RBFOX1: variants seen among roughly 807,000 people sequenced by gnomAD.
RBFOX1 encodes the protein RNA binding fox-1 homolog 1.
A neutral mutation model predicts 57.7 loss-of-function variants in RBFOX1; 8 were observed. The observed-to-expected ratio is 0.14, with a 90% CI of 0.08 to 0.25. RBFOX1 has a LOEUF of 0.25. Ranked by LOEUF, RBFOX1 falls within the 10% of genes least tolerant of loss-of-function variation. The probability of loss-of-function intolerance (pLI) is 1.00; values close to 1 mark genes in which losing one functional copy is unlikely to be tolerated. For missense variants in RBFOX1, 611 were observed against 548.5 expected, an observed-to-expected ratio of 1.11 and a Z score of -1.14; for synonymous variants, 326 against 222.4, an observed-to-expected ratio of 1.47 and a Z score of -4.15.
intron 3 of RBFOX1, among the ~76,000 whole-genome samples, chr16:6,775,065 C>T (rs1043740641): frequency 2.6e-5 from 4 of 151,738 alleles, no homozygotes; most frequent in Non-Finnish European, 5.9e-5. Flanking sequence ...GTGGCTCACG[C>T]CTGTAATCCC....
At chr16:7,375,253 A>T (rs1383402162) in intron 4 of RBFOX1, among the ~76,000 whole-genome samples, 1 of 152,212 alleles carries the variant, frequency 6.6e-6, no homozygotes, top group Non-Finnish European at 1.5e-5. Flanking sequence ...CACAGTCTGT[A>T]TTCAAAGACA....
At chr16:5,518,684 G>T (rs1567185039) in intron 2 of RBFOX1, among the ~76,000 whole-genome samples, 2 of 152,102 alleles carry the variant, frequency 1.3e-5, no homozygotes, top group South Asian at 4.2e-4. Flanking sequence ...CCTCTCCAGG[G>T]GTGCAACTCT....
chr16:7,178,251 C>T (rs138227892), intron 4 of RBFOX1, among the ~76,000 whole-genome samples: 45 of 152,354 alleles, frequency 3.0e-4, no homozygotes, highest in African/African-American at 9.9e-4. Flanking sequence ...GTCAGAGGCA[C>T]TATCAGCCTG....
At chr16:6,739,751 C>T (rs984583981) in intron 3 of RBFOX1, among the ~76,000 whole-genome samples, 4 of 152,014 alleles carry the variant, frequency 2.6e-5, no homozygotes, top group African/African-American at 9.7e-5. Context: ...GTGGCAGGTG[C>T]CTGTAGTCTC....
chr16:6,921,232 TA>T (rs1597276638), intron 3 of RBFOX1, among the ~76,000 whole-genome samples: 1 of 152,210 alleles, frequency 6.6e-6, no homozygotes, highest in East Asian at 1.9e-4. Context: ...TTTAGCAATT[TA>T]AAACAGCACA....
At chr16:7,202,999 G>A (rs1042414354) in intron 4 of RBFOX1, among the ~76,000 whole-genome samples, 1 of 152,106 alleles carries the variant, frequency 6.6e-6, no homozygotes, top group Non-Finnish European at 1.5e-5. Flanking sequence ...TGTGAGCCAG[G>A]ATGGTCTGGA....
At chr16:6,992,423 G>A (rs543412867) in intron 3 of RBFOX1, among the ~76,000 whole-genome samples, 17 of 152,056 alleles carry the variant, frequency 1.1e-4, no homozygotes, top group Admixed American at 5.2e-4. Context: ...TCACCATGTT[G>A]GCCAGGCTGG....
intron 10 of RBFOX1, among the ~76,000 whole-genome samples, chr16:7,623,291 T>C (rs1359811336): frequency 6.6e-6 from 1 of 152,214 alleles, no homozygotes; most frequent in Non-Finnish European, 1.5e-5. Flanking sequence ...TTCCAGTGCA[T>C]TTCTTGTGTA....
chr16:5,489,471 T>G (rs1219248610), intron 2 of RBFOX1, among the ~76,000 whole-genome samples: 1 of 152,238 alleles, frequency 6.6e-6, no homozygotes. Context: ...CAAGTTCATC[T>G]ATTAGCCCTT....
chr16:7,536,170 G>A (rs1162517635), intron 5 of RBFOX1, among the ~76,000 whole-genome samples: 4 of 152,204 alleles, frequency 2.6e-5, no homozygotes, highest in Non-Finnish European at 4.4e-5. Flanking sequence ...GGAAAGGAGA[G>A]CTGACTGTAA....
chr16:7,086,579 AT>A (rs2060011023), intron 4 of RBFOX1, among the ~76,000 whole-genome samples: 1 of 152,206 alleles, frequency 6.6e-6, no homozygotes, highest in African/African-American at 2.4e-5. Context: ...ATAGAAAAAA[AT>A]TATGGATACT....
intron 4 of RBFOX1, among the ~76,000 whole-genome samples, chr16:7,190,695 C>T (rs1448383840): frequency 2.0e-5 from 3 of 149,856 alleles, no homozygotes; most frequent in African/African-American, 7.4e-5. Flanking sequence ...AGTGCCATTC[C>T]ATCAACAAAC....
chr16:7,518,484 C>T lies in RBFOX1; in HGVS notation c.270+95C>T. 8.8e-6 allele frequency: 13 copies of T among 1,485,532 alleles called. No homozygotes were observed. The South Asian group carries it at 1.7e-4, about 19-fold the overall frequency. The allele number at this position is 1,485,532 out of a possible 1,614,324, so 92.0% of individuals were successfully genotyped here. A position where few individuals can be genotyped will look rare whatever the true frequency, so the allele number is the denominator to read the frequency against. On this transcript the variant is annotated intron_variant, in intron 5 of 15. Coordinates refer to ENST00000550418, the MANE Select transcript of RBFOX1 (RefSeq NM_018723.4). ...GGGTGCACCCCCATCTACCCAGGGA[C>T]TCTGGGAAACAGATCAGTCCCTAAG...
intron 4 of RBFOX1, among the ~76,000 whole-genome samples, chr16:7,052,500 G>A (rs1282034615): frequency 6.6e-6 from 1 of 152,168 alleles, no homozygotes; most frequent in Non-Finnish European, 1.5e-5. Context: ...ACTGGGGTGG[G>A]TGAGCAAGGA....
At chr16:7,063,072 G>C (rs1428598899) in intron 4 of RBFOX1, among the ~76,000 whole-genome samples, 1 of 151,912 alleles carries the variant, frequency 6.6e-6, no homozygotes, top group African/African-American at 2.4e-5. Flanking sequence ...ATCATACCCT[G>C]CAATGCCTCC....
chr16:6,892,220 C>G (rs545948613), intron 3 of RBFOX1, among the ~76,000 whole-genome samples: 1 of 152,260 alleles, frequency 6.6e-6, no homozygotes, highest in Non-Finnish European at 1.5e-5. Flanking sequence ...AGAACTTCCC[C>G]AGAGCTCCTT....
At chr16:7,456,518 A>G (rs538316965) in intron 4 of RBFOX1, among the ~76,000 whole-genome samples, 2 of 152,212 alleles carry the variant, frequency 1.3e-5, no homozygotes, top group African/African-American at 4.8e-5. Context: ...AAGTCCCTCT[A>G]TGCTTTATCC....
intron 2 of RBFOX1, among the ~76,000 whole-genome samples, chr16:5,501,479 C>G (rs1421000795): frequency 6.6e-6 from 1 of 152,006 alleles, no homozygotes; most frequent in South Asian, 2.1e-4. Flanking sequence ...GGGAGGCAGG[C>G]TGAATCCTGG....
chr16:6,807,619 C>T (rs1369071036), intron 3 of RBFOX1, among the ~76,000 whole-genome samples: 1 of 151,996 alleles, frequency 6.6e-6, no homozygotes, highest in Non-Finnish European at 1.5e-5. Context: ...AGATTGAGAC[C>T]AGCCTGGCGA....
Sources: gnomAD v4.1 joint callset for allele counts (sites outside exome capture counted in the v4.1 genomes callset) on GRCh38, gnomAD v4.1.1 for gene constraint, MANE v1.5 for transcripts, NCBI Gene and HGNC (gene_info 2026-07-23, HGNC 2026-07-21) for gene names.